PTPRO: variants seen among roughly 807,000 people sequenced by gnomAD.
PTPRO encodes the protein receptor-type tyrosine-protein phosphatase O.
Under a neutral mutation model 145.2 loss-of-function variants are expected in PTPRO, and 62 were observed. The observed-to-expected ratio is 0.43, with a 90% CI of 0.35 to 0.53. PTPRO has a LOEUF of 0.53. Among genes scored for constraint, PTPRO ranks in the 20% least tolerant of loss-of-function variants. PTPRO has a pLI of 0.01. For missense variants in PTPRO, 1,345 were observed against 1,482.7 expected, an observed-to-expected ratio of 0.91 and a Z score of 1.53; for synonymous variants, 565 against 514.7, an observed-to-expected ratio of 1.10 and a Z score of -1.32.
At chr12:15,471,344 C>T (rs184511320) in intron 1 of PTPRO, among the ~76,000 whole-genome samples, 110 of 152,260 alleles carry the variant, frequency 7.2e-4, no homozygotes, top group African/African-American at 2.6e-3. Context: ...CCGGCCACTG[C>T]ACTCCAGCCT....
In PTPRO at chr12:15,497,319, C is replaced by T. The variant is rs368339318; in HGVS notation, c.424C>T (p.His142Tyr). The T allele has an allele frequency of 6.2e-6, 10 of 1,604,526 alleles. No individual in the cohort carries two copies. The African/African-American group carries it at 8.0e-5, about 13-fold the overall frequency. Residue 142 changes from histidine to tyrosine, a missense_variant, in exon 3 of 27, where the codon CAT becomes TAT. His to Tyr is a moderately conservative substitution (Grantham distance 83). Transcript: ENST00000281171. ...SPETGVLFEIHYPEKYNVFTR... is the reference protein window; with the variant it reads ...SPETGVLFEIYYPEKYNVFTR... ...TGAAACAGGAGTCCTGTTTGAAATA[C>T]ATTATCCAGAAAAATATAACGTTTT...
chr12:15,390,554 T>C (rs531841828), intron 1 of PTPRO, among the ~76,000 whole-genome samples: 1 of 152,032 alleles, frequency 6.6e-6, no homozygotes, highest in Non-Finnish European at 1.5e-5. Flanking sequence ...GCGGGAATTA[T>C]GGGAGCTACA....
chr12:15,437,238 C>T (rs1940622118), intron 1 of PTPRO, among the ~76,000 whole-genome samples: 1 of 152,006 alleles, frequency 6.6e-6, no homozygotes, highest in Non-Finnish European at 1.5e-5. Context: ...GAGGGACCCT[C>T]TCTGCTACAT....
intron 1 of PTPRO, among the ~76,000 whole-genome samples, chr12:15,330,828 C>T (rs1349502696): frequency 1.3e-5 from 2 of 152,168 alleles, no homozygotes; most frequent in Non-Finnish European, 2.9e-5. Context: ...CTGCTCCAAA[C>T]CTTGATCGCT....
chr12:15,373,106 T>C (rs1045871306), intron 1 of PTPRO, among the ~76,000 whole-genome samples: 8 of 152,158 alleles, frequency 5.3e-5, no homozygotes, highest in Non-Finnish European at 1.0e-4. Flanking sequence ...AAAGTAGAAG[T>C]AATTACAGTA....
intron 12 of PTPRO, among the ~76,000 whole-genome samples, chr12:15,537,558 G>T (rs556205188): frequency 6.6e-6 from 1 of 152,302 alleles, no homozygotes; most frequent in East Asian, 1.9e-4. Flanking sequence ...CAGCCCAGAA[G>T]TCACTGGTGA....
intron 19 of PTPRO, among the ~76,000 whole-genome samples, chr12:15,575,083 G>A (rs1302135022): frequency 6.6e-6 from 1 of 152,206 alleles, no homozygotes; most frequent in Non-Finnish European, 1.5e-5. Flanking sequence ...TGGTAGGATT[G>A]TTGCAGGACT....
chr12:15,476,834 T>TA (rs777515718), intron 1 of PTPRO, among the ~76,000 whole-genome samples: 1 of 136,366 alleles, frequency 7.3e-6, no homozygotes, highest in Admixed American at 7.6e-5. Context: ...TGGCAATCAT[T>TA]AAAAAGTCAG....
chr12:15,513,140 GAAGAAAGAAAGA>G (rs1395239170), intron 7 of PTPRO, among the ~76,000 whole-genome samples: 8 of 10,930 alleles, frequency 7.3e-4, no homozygotes, highest in African/African-American at 2.7e-3. Flanking sequence ...AGGAAGGAAG[GAAGAAAGAAAGA>G]AAGAAAAAGA....
At chr12:15,535,093 C>T (rs886591282) in intron 12 of PTPRO, among the ~76,000 whole-genome samples, 7 of 152,134 alleles carry the variant, frequency 4.6e-5, no homozygotes, top group Admixed American at 2.6e-4. Flanking sequence ...CAAATGGTGG[C>T]GCAATTCACT....
chr12:15,336,238 A>AC (rs2136207653), intron 1 of PTPRO, among the ~76,000 whole-genome samples: 2 of 152,218 alleles, frequency 1.3e-5, no homozygotes, highest in South Asian at 4.2e-4. Context: ...TGTTAAAAAA[A>AC]AAAAAGGTAT....
chr12:15,389,033 C>G (rs1046700644), intron 1 of PTPRO, among the ~76,000 whole-genome samples: 1 of 150,750 alleles, frequency 6.6e-6, no homozygotes, highest in African/African-American at 2.4e-5. Flanking sequence ...ATTTTTTTTT[C>G]CAACGTGATT....
intron 13 of PTPRO, among the ~76,000 whole-genome samples, chr12:15,547,037 A>G (rs1310365994): frequency 6.6e-6 from 1 of 152,218 alleles, no homozygotes; most frequent in Non-Finnish European, 1.5e-5. Flanking sequence ...ACCATTTGCC[A>G]AGTATATAAA....
At chr12:15,584,362 C>T (rs1368048789) in intron 23 of PTPRO, among the ~76,000 whole-genome samples, 2 of 152,142 alleles carry the variant, frequency 1.3e-5, no homozygotes, top group African/African-American at 4.8e-5. Context: ...AACTGATAAC[C>T]AAATACAGTA....
At chr12:15,484,748 T>C (rs1381633853) in intron 2 of PTPRO, among the ~76,000 whole-genome samples, 1 of 152,166 alleles carries the variant, frequency 6.6e-6, no homozygotes, top group African/African-American at 2.4e-5. Context: ...TAGCTTTGCC[T>C]TCTACTTCTT....
Position 15,503,904 on chromosome 12 carries a change from T to A in PTPRO, c.1106-4T>A. On this transcript the variant is annotated splice_polypyrimidine_tract_variant and splice_region_variant and intron_variant, in intron 5 of 26. Coordinates refer to ENST00000281171, the MANE Select transcript of PTPRO (RefSeq NM_030667.3). ...GTATCTTCTCTTTTTTATATATGAT[T>A]TAGAGAACTTTACTGAATATTTGAT... 6.4e-7 allele frequency: 1 copy of A among 1,564,424 alleles called. No individual in the cohort carries two copies. Among genetic ancestry groups the A allele is most frequent in the Non-Finnish European group, 8.8e-7 (1 of 1,135,722 alleles).
At chr12:15,551,257 T>G (rs557527133) in intron 14 of PTPRO, among the ~76,000 whole-genome samples, 103 of 152,340 alleles carry the variant, frequency 6.8e-4, no homozygotes, top group Non-Finnish European at 1.3e-3. Context: ...GAATTTAAAC[T>G]GTGGCACAGG....
chr12:15,360,853 T>C (rs185587409), intron 1 of PTPRO, among the ~76,000 whole-genome samples: 1,043 of 100,086 alleles, frequency 0.01, 81 homozygotes, highest in Non-Finnish European at 0.019. Context: ...TGTATATATG[T>C]GTGTGTATAT....
chr12:15,517,054 A>G, intron 9 of PTPRO, 98 bp downstream of exon 9: 1 of 1,165,410 alleles, frequency 8.6e-7, no homozygotes, highest in Non-Finnish European at 1.3e-6. Flanking sequence ...AAATTTGATT[A>G]TTTTGTAAAT....
Sources: gnomAD v4.1 joint callset for allele counts (sites outside exome capture counted in the v4.1 genomes callset) on GRCh38, gnomAD v4.1.1 for gene constraint, MANE v1.5 for transcripts, NCBI Gene and HGNC (gene_info 2026-07-23, HGNC 2026-07-21) for gene names.